The following VAT1L variants were observed in gnomAD, a reference collection of about 807,000 sequenced individuals.
VAT1L encodes putative NADPH-dependent quinone oxidoreductase VAT1L.
A neutral mutation model predicts 44.1 loss-of-function variants in VAT1L; 34 were observed. That is an observed-to-expected ratio of 0.77 (90% CI 0.59 to 1.03). The LOEUF (loss-of-function observed/expected upper bound fraction) is 1.03, where lower values mean the gene tolerates loss of function less well. VAT1L is among the 50% of genes least tolerant of loss of function. VAT1L has a pLI of 0.00. For missense variants in VAT1L, 615 were observed against 538.8 expected (o/e 1.14, Z -1.40); for synonymous variants, 253 against 202.2 (o/e 1.25, Z -2.13).
At chr16:77,894,705 A>T (rs11150023) in intron 7 of VAT1L, among the ~76,000 whole-genome samples, 1 of 152,096 alleles carries the variant, frequency 6.6e-6, no homozygotes, top group African/African-American at 2.4e-5. Flanking sequence ...TGAATTGTAT[A>T]GCATATGAAT....
In VAT1L at chr16:77,978,048, A is replaced by G; in HGVS notation, c.*353A>G. ...CGTGGGCAAAGACAAGTTTGGATGG[A>G]AAGGTGTTATCACAGAGCCCTGTCC... On this transcript the variant is annotated 3_prime_UTR_variant, in exon 9 of 9. Transcript: ENST00000302536. The G allele has an allele frequency of 4.6e-6, 1 of 218,320 alleles. No individual in the cohort carries two copies. Among genetic ancestry groups the G allele is most frequent in the Non-Finnish European group, 9.3e-6 (1 of 107,528 alleles). The allele number at this position is 218,320 out of a possible 1,614,324, so 13.5% of individuals were successfully genotyped here.
chr16:77,866,757 C>A (rs946606953), intron 4 of VAT1L, among the ~76,000 whole-genome samples: 3 of 152,088 alleles, frequency 2.0e-5, no homozygotes, highest in Admixed American at 1.3e-4. Context: ...ACAGACCTAA[C>A]CTTTACATCC....
chr16:77,810,210 C>G (rs926921582), intron 1 of VAT1L, among the ~76,000 whole-genome samples: 6 of 152,120 alleles, frequency 3.9e-5, no homozygotes, highest in African/African-American at 1.4e-4. Flanking sequence ...CTTGAATTAG[C>G]TTTAAAAAAT....
intron 4 of VAT1L, among the ~76,000 whole-genome samples, chr16:77,863,619 C>A (rs2016938926): frequency 6.6e-6 from 1 of 152,142 alleles, no homozygotes; most frequent in African/African-American, 2.4e-5. Context: ...GAGGGGGCTG[C>A]TCTGGGAAAG....
chr16:77,931,658 T>C (rs1382011109), intron 7 of VAT1L, among the ~76,000 whole-genome samples: 1 of 152,246 alleles, frequency 6.6e-6, no homozygotes, highest in Non-Finnish European at 1.5e-5. Flanking sequence ...CATGGATTGT[T>C]GTACAGTGGA....
chr16:77,890,583 C>G (rs991599630), intron 7 of VAT1L, among the ~76,000 whole-genome samples: 3 of 152,288 alleles, frequency 2.0e-5, no homozygotes. Flanking sequence ...TCATAGTACA[C>G]AGAGGGCTGC....
intron 2 of VAT1L, among the ~76,000 whole-genome samples, chr16:77,824,237 A>G (rs1338542465): frequency 6.6e-6 from 1 of 152,190 alleles, no homozygotes; most frequent in Non-Finnish European, 1.5e-5. Context: ...GACACTTCCC[A>G]GGACTTTCAC....
intron 8 of VAT1L, among the ~76,000 whole-genome samples, chr16:77,974,755 G>C (rs1170759916): frequency 6.6e-6 from 1 of 151,944 alleles, no homozygotes; most frequent in African/African-American, 2.4e-5. Context: ...TTTTAGTAGA[G>C]ACAGGGTTTC....
At chr16:77,807,675 A>T (rs1266118547) in intron 1 of VAT1L, among the ~76,000 whole-genome samples, 2 of 152,088 alleles carry the variant, frequency 1.3e-5, no homozygotes, top group African/African-American at 4.8e-5. Flanking sequence ...CATAGTGATG[A>T]CAGTGATTCG....
chr16:77,868,482 G>A (rs564643007), intron 4 of VAT1L, among the ~76,000 whole-genome samples: 1 of 152,332 alleles, frequency 6.6e-6, no homozygotes, highest in African/African-American at 2.4e-5. Flanking sequence ...ACACATGGGA[G>A]CTCTCTTTTG....
intron 1 of VAT1L, among the ~76,000 whole-genome samples, chr16:77,799,529 GTGTGTGTGTGTGTGTGTGTGTGTGT>G (rs2016005737): frequency 2.7e-5 from 4 of 150,674 alleles, no homozygotes; most frequent in African/African-American, 9.8e-5. Flanking sequence ...GTGTGTGTGT[GTGTGTGTGTGTGTGTGTGTGTGTGT>G]GTGGTGTGTA....
At chr16:77,957,629 G>T (rs1225604884) in intron 7 of VAT1L, among the ~76,000 whole-genome samples, 1 of 151,948 alleles carries the variant, frequency 6.6e-6, no homozygotes, top group Non-Finnish European at 1.5e-5. Context: ...GGAGGCTGAG[G>T]CAGGAGAATC....
chr16:77,844,408 A>T (rs369385016), intron 3 of VAT1L, among the ~76,000 whole-genome samples: 6 of 151,222 alleles, frequency 4.0e-5, no homozygotes, highest in African/African-American at 1.2e-4. Context: ...TTTATTTTTT[A>T]TTTTTTTTTA....
intron 4 of VAT1L, among the ~76,000 whole-genome samples, chr16:77,873,080 T>C (rs533544074): frequency 1.3e-5 from 2 of 152,342 alleles, no homozygotes; most frequent in Admixed American, 1.3e-4. Flanking sequence ...AAGCCTGGAT[T>C]TTTCAGAGAC....
At chr16:77,794,802 A>C (rs1287189872) in intron 1 of VAT1L, among the ~76,000 whole-genome samples, 1 of 152,164 alleles carries the variant, frequency 6.6e-6, no homozygotes, top group Non-Finnish European at 1.5e-5. Context: ...CTCCATGCTG[A>C]GTCATATTTA....
intron 7 of VAT1L, among the ~76,000 whole-genome samples, chr16:77,903,958 G>A (rs963062268): frequency 6.6e-6 from 1 of 151,664 alleles, no homozygotes; most frequent in Non-Finnish European, 1.5e-5. Flanking sequence ...GGATGGTCTC[G>A]ATCTCATGAC....
At chr16:77,922,187 G>GT (rs2017618907) in intron 7 of VAT1L, among the ~76,000 whole-genome samples, 1 of 149,976 alleles carries the variant, frequency 6.7e-6, no homozygotes, top group African/African-American at 2.5e-5. Context: ...GGCGGGCGGG[G>GT]GTGGAGGGGC....
chr16:77,972,311 C>A (rs993794624), intron 8 of VAT1L, among the ~76,000 whole-genome samples: 37 of 152,154 alleles, frequency 2.4e-4, no homozygotes, highest in African/African-American at 8.7e-4. Flanking sequence ...GATGGTTCCA[C>A]AGATTTTTTT....
At chr16:77,932,270 A>AT (rs777159307) in intron 7 of VAT1L, among the ~76,000 whole-genome samples, 25 of 151,662 alleles carry the variant, frequency 1.6e-4, no homozygotes, top group Non-Finnish European at 3.2e-4. Context: ...CAGCTGGCTA[A>AT]TTTTTTTGTA....
Sources: gnomAD v4.1 joint callset for allele counts (sites outside exome capture counted in the v4.1 genomes callset) on GRCh38, gnomAD v4.1.1 for gene constraint, MANE v1.5 for transcripts, NCBI Gene and HGNC (gene_info 2026-07-23, HGNC 2026-07-21) for gene names.